Variants in KIF26B observed in about 807,000 individuals in gnomAD.
The protein encoded by KIF26B is kinesin family member 26B.
Under a neutral mutation model 151.2 loss-of-function variants are expected in KIF26B, and 63 were observed. That is an observed-to-expected ratio of 0.42 (90% CI 0.34 to 0.51). The LOEUF (loss-of-function observed/expected upper bound fraction) is 0.51, where lower values mean the gene tolerates loss of function less well. KIF26B is among the 20% of genes least tolerant of loss of function. The pLI, the probability that KIF26B is intolerant of heterozygous loss-of-function variation, is 0.07. For missense variants in KIF26B, 2,813 were observed against 2,913.6 expected (o/e 0.97, Z 0.79); for synonymous variants, 1,357 against 1,262.1 (o/e 1.08, Z -1.59).
chr1:245,444,742 C>A (rs1659209445), intron 4 of KIF26B, among the ~76,000 whole-genome samples: 1 of 152,120 alleles, frequency 6.6e-6, no homozygotes, highest in African/African-American at 2.4e-5. Flanking sequence ...ACATAAACTT[C>A]CACATTCTCT....
chr1:245,474,490 C>T (rs1659987572), intron 4 of KIF26B, among the ~76,000 whole-genome samples: 1 of 150,140 alleles, frequency 6.7e-6, no homozygotes, highest in Non-Finnish European at 1.5e-5. Context: ...TGGCTCACTG[C>T]AACCTCCACC....
chr1:245,337,489 T>G (rs1255743974), intron 2 of KIF26B, among the ~76,000 whole-genome samples: 1 of 151,850 alleles, frequency 6.6e-6, no homozygotes, highest in African/African-American at 2.4e-5. Flanking sequence ...GCCATTCATT[T>G]AGCCTGGTGA....
chr1:245,551,082 G>A (rs754834943), intron 5 of KIF26B, among the ~76,000 whole-genome samples: 4 of 152,088 alleles, frequency 2.6e-5, no homozygotes, highest in Non-Finnish European at 4.4e-5. Context: ...GTCTTCCTTC[G>A]TCAGCCAGGC....
chr1:245,493,582 C>A (rs1240393580), intron 4 of KIF26B, among the ~76,000 whole-genome samples: 1 of 152,176 alleles, frequency 6.6e-6, no homozygotes, highest in Non-Finnish European at 1.5e-5. Context: ...TTGGACTGGC[C>A]TAGGCACTGA....
chr1:245,464,559 G>A (rs1404887629), intron 4 of KIF26B, among the ~76,000 whole-genome samples: 1 of 147,514 alleles, frequency 6.8e-6, no homozygotes, highest in Non-Finnish European at 1.5e-5. Flanking sequence ...GTGTGTTCCT[G>A]TGTGGGTGTG....
At chr1:245,217,995 C>T (rs1452272060) in intron 2 of KIF26B, among the ~76,000 whole-genome samples, 1 of 152,176 alleles carries the variant, frequency 6.6e-6, no homozygotes, top group African/African-American at 2.4e-5. Context: ...TGGAACTGGG[C>T]TTAGTCCTGC....
intron 2 of KIF26B, among the ~76,000 whole-genome samples, chr1:245,205,056 G>A (rs1258149878): frequency 6.6e-6 from 1 of 152,160 alleles, no homozygotes; most frequent in Non-Finnish European, 1.5e-5. Flanking sequence ...AAAGTGTTGG[G>A]ATGACTGGAG....
chr1:245,220,863 G>C (rs1232712818), intron 2 of KIF26B, among the ~76,000 whole-genome samples: 1 of 152,064 alleles, frequency 6.6e-6, no homozygotes, highest in Non-Finnish European at 1.5e-5. Context: ...GTCCCCCACG[G>C]GTAATGAATT....
intron 4 of KIF26B, among the ~76,000 whole-genome samples, chr1:245,443,467 C>T (rs113273651): frequency 2.9e-5 from 3 of 104,216 alleles, no homozygotes; most frequent in African/African-American, 3.4e-5. Flanking sequence ...CTAGAGCGGT[C>T]ATCTCCCTCA....
chr1:245,372,087 C>G (rs2103013139), intron 3 of KIF26B, among the ~76,000 whole-genome samples: 1 of 152,238 alleles, frequency 6.6e-6, no homozygotes, highest in Non-Finnish European at 1.5e-5. Context: ...AAGGAGCCAG[C>G]CGCAGAGCAG....
At chr1:245,293,148 C>G (rs1671283290) in intron 2 of KIF26B, among the ~76,000 whole-genome samples, 1 of 152,072 alleles carries the variant, frequency 6.6e-6, no homozygotes, top group Admixed American at 6.6e-5. Context: ...TTTCCTAATC[C>G]TATCCCCAAG....
intron 4 of KIF26B, among the ~76,000 whole-genome samples, chr1:245,530,333 A>G (rs1446836463): frequency 1.3e-5 from 2 of 152,236 alleles, no homozygotes; most frequent in Admixed American, 1.3e-4. Context: ...AGTACTGGGT[A>G]TTTATCCAAA....
chr1:245,270,161 T>TCTTTCCTTCCTTCTTCCCTTCC (rs74163030), intron 2 of KIF26B, among the ~76,000 whole-genome samples: 5,286 of 84,302 alleles, frequency 0.063, 224 homozygotes, highest in African/African-American at 0.083. Context: ...TCTTCCTTTC[T>TCTTTCCTTCCTTCTTCCCTTCC]CTTCCCTCCC....
Position 245,166,716 on chromosome 1 carries a change from C to T in KIF26B, c.465+10033C>T, listed in dbSNP as rs572324818. Among the ~76,000 whole-genome samples the T allele has an allele frequency of 2.0e-5, 3 of 152,186 alleles. No individual in the cohort carries two copies. Among genetic ancestry groups the T allele is most frequent in the South Asian group, 2.1e-4 (1 of 4,824 alleles). ...CCAATCCAGCTTTATCTGTCTCAGA[C>T]GGTTTTCTTTGCAGTTGTACTTTGC... On this transcript the variant is annotated intron_variant, in intron 2 of 14. Transcript: ENST00000407071. The surrounding 1 kb of genome is among the most constrained non-coding windows in gnomAD (Gnocchi z 4.5).
chr1:245,575,269 G>A (rs573233205), intron 5 of KIF26B, among the ~76,000 whole-genome samples: 94 of 152,030 alleles, frequency 6.2e-4, no homozygotes, highest in Middle Eastern at 3.4e-3. Flanking sequence ...GATGTCAGGA[G>A]TTCGAGACCA....
Position 245,399,644 on chromosome 1 carries a change from A to C in KIF26B, c.1000-19935A>C, listed in dbSNP as rs117547667. Among the ~76,000 whole-genome samples, 199 of 152,320 alleles carry C rather than the reference A, an allele frequency of 1.3e-3. 2 individuals carry two copies. In the East Asian group the frequency reaches 0.036, roughly 28 times the overall value. On this transcript the variant is annotated intron_variant, in intron 3 of 14. Coordinates refer to ENST00000407071, the MANE Select transcript of KIF26B (RefSeq NM_018012.4). ...TTACAGCCCTTATCTCAGCACTTTC[A>C]TGCATCTTATGAGAAGCAACACGCA...
At chr1:245,156,177 CGTGG>C (rs1440963674) in intron 1 of KIF26B, 101 bp from the exon 2 acceptor site, 91 of 1,459,320 alleles carry the variant, frequency 6.2e-5, no homozygotes, top group Non-Finnish European at 7.7e-5. Flanking sequence ...AACCGACTCC[CGTGG>C]GCGGTTCGAG....
At chr1:245,427,917 C>T (rs1658687071) in intron 4 of KIF26B, among the ~76,000 whole-genome samples, 3 of 152,232 alleles carry the variant, frequency 2.0e-5, no homozygotes, top group Admixed American at 6.5e-5. Flanking sequence ...ATAATTGTGC[C>T]ATCTATTCAC....
At chr1:245,292,093 G>C (rs1030866958) in intron 2 of KIF26B, among the ~76,000 whole-genome samples, 1 of 152,208 alleles carries the variant, frequency 6.6e-6, no homozygotes, top group African/African-American at 2.4e-5. Flanking sequence ...GGCGTGCAAG[G>C]CTGGACATGA....
Sources: gnomAD v4.1 joint callset for allele counts (sites outside exome capture counted in the v4.1 genomes callset) on GRCh38, gnomAD v4.1.1 for gene constraint, Gnocchi (gnomAD v3.1) non-coding constraint, MANE v1.5 for transcripts, NCBI Gene and HGNC (gene_info 2026-07-23, HGNC 2026-07-21) for gene names.